The following MYLK4 variants were observed in gnomAD, a reference collection of about 807,000 sequenced individuals.
MYLK4 encodes the protein caMLCK like.
In MYLK4, 46 loss-of-function variants were observed where a neutral mutation model predicts 48.1. The observed-to-expected ratio is 0.96, with a 90% CI of 0.75 to 1.22. The LOEUF (loss-of-function observed/expected upper bound fraction) is 1.22. MYLK4 is among the 50% of genes most tolerant of loss of function. The pLI, the probability that MYLK4 is intolerant of heterozygous loss-of-function variation, is 0.00. For missense variants in MYLK4, 451 were observed against 486.1 expected, an observed-to-expected ratio of 0.93 and a Z score of 0.68; for synonymous variants, 170 against 180.8, an observed-to-expected ratio of 0.94 and a Z score of 0.48.
At chr6:2,737,977 C>CGGGCG (rs1158504264) in intron 2 of MYLK4, among the ~76,000 whole-genome samples, 8 of 2,532 alleles carry the variant, frequency 3.2e-3, no homozygotes, top group Non-Finnish European at 6.0e-3. Context: ...GTGCCGGGGG[C>CGGGCG]GGGTGGGGGG....
intron 10 of MYLK4, among the ~76,000 whole-genome samples, chr6:2,677,786 G>C (rs939343829): frequency 6.6e-6 from 1 of 152,154 alleles, no homozygotes; most frequent in Non-Finnish European, 1.5e-5. Context: ...TTGGGGTCAG[G>C]GGTGGTAGTT....
the MYLK4 span, among the ~76,000 whole-genome samples, chr6:2,762,933 T>G: frequency 6.6e-6 from 1 of 152,116 alleles, no homozygotes; most frequent in South Asian, 2.1e-4. Flanking sequence ...TACCACTCAT[T>G]AAGACAATTC....
At chr6:2,760,175 T>C in the MYLK4 span, among the ~76,000 whole-genome samples, 1 of 152,176 alleles carries the variant, frequency 6.6e-6, no homozygotes, top group Admixed American at 6.5e-5. Flanking sequence ...AGCAATACAG[T>C]ATAATAACTA....
intron 2 of MYLK4, among the ~76,000 whole-genome samples, chr6:2,746,474 TGA>T (rs543748791): frequency 3.5e-4 from 54 of 152,312 alleles, no homozygotes; most frequent in African/African-American, 1.3e-3. Flanking sequence ...AAAAAGAATC[TGA>T]GTTTTATCAA....
the MYLK4 span, among the ~76,000 whole-genome samples, chr6:2,766,793 C>G: frequency 7.5e-6 from 1 of 133,556 alleles, no homozygotes; most frequent in Non-Finnish European, 1.6e-5. Context: ...TAACCGAATT[C>G]GCAAGGAATC....
At chr6:2,694,820 G>A (rs1477609367) in intron 2 of MYLK4, among the ~76,000 whole-genome samples, 1 of 151,988 alleles carries the variant, frequency 6.6e-6, no homozygotes, top group Non-Finnish European at 1.5e-5. Flanking sequence ...AGGTTATAAA[G>A]TTTAGAAATG....
intron 12 of MYLK4, among the ~76,000 whole-genome samples, chr6:2,668,412 A>G (rs866591967): frequency 3.3e-5 from 5 of 152,170 alleles, no homozygotes; most frequent in African/African-American, 9.7e-5. Context: ...TTTATATCCC[A>G]TAAGTTGGCA....
the MYLK4 span, among the ~76,000 whole-genome samples, chr6:2,763,458 C>CT: frequency 6.6e-6 from 1 of 152,230 alleles, no homozygotes; most frequent in East Asian, 1.9e-4. Context: ...CATGGCAGGC[C>CT]TGAGCCTTGC....
chr6:2,734,307 G>A (rs1763581378), intron 2 of MYLK4, among the ~76,000 whole-genome samples: 1 of 152,168 alleles, frequency 6.6e-6, no homozygotes, highest in South Asian at 2.1e-4. Flanking sequence ...GCTGCGGTCT[G>A]TCAGCGTCTG....
At chr6:2,750,665 TG>T (rs1764262070) in intron 1 of MYLK4, 70 bp downstream of exon 1, 1 of 152,214 alleles carries the variant, frequency 6.6e-6, no homozygotes, top group Admixed American at 6.5e-5. Flanking sequence ...TGGTACAATT[TG>T]TTATTGAAGG....
intron 7 of MYLK4, 92 bp from the exon 8 acceptor site, chr6:2,680,383 GA>G: frequency 6.3e-7 from 1 of 1,591,594 alleles, no homozygotes; most frequent in Non-Finnish European, 8.5e-7. Flanking sequence ...ACGATGCTCA[GA>G]AAAAACATAT....
intron 2 of MYLK4, among the ~76,000 whole-genome samples, chr6:2,745,935 A>C (rs2113373971): frequency 6.6e-6 from 1 of 151,366 alleles, no homozygotes; most frequent in South Asian, 2.1e-4. Flanking sequence ...AAAAAAAAAA[A>C]AAGAAACAAA....
At position 2,685,536 on chromosome 6, in the gene MYLK4, TG is replaced by T. The variant is rs1389594261; in HGVS notation, c.381del (p.Thr128GlnfsTer3). 6.2e-7 allele frequency: 1 copy of T among 1,614,156 alleles called. No individual in the cohort carries two copies. The highest frequency in any genetic ancestry group is 1.1e-5 in the South Asian group (1 of 91,084). ...FGQVHKCEET[A>X]TGLKLAAKII... The stretch of plus-strand genomic sequence containing the variant: ...ATTTTGGCTGCCAGCTTCAGACCTG[TG>T]GCCGTCTCCTCACACTTGTGAACCT... On this transcript the variant is annotated frameshift_variant, in exon 5 of 13. Coordinates refer to ENST00000274643, the MANE Select transcript of MYLK4 (RefSeq NM_001012418.5). LOFTEE classifies it high-confidence loss of function. This position sits in a 1 kb window ranked among gnomAD's most constrained non-coding sequence, Gnocchi z 4.5.
Position 2,727,739 on chromosome 6 carries a change from G to A in MYLK4, c.159+21397C>T, listed in dbSNP as rs566207374. 2.0e-5 allele frequency among the ~76,000 whole-genome samples: 3 copies of A among 152,202 alleles called. No homozygotes were observed. The East Asian group carries it at 5.8e-4, about 29-fold the overall frequency. On this transcript the variant is annotated intron_variant, in intron 2 of 12. Coordinates refer to ENST00000274643, the MANE Select transcript of MYLK4 (RefSeq NM_001012418.5). Reference sequence around the variant, plus strand: ...CGAGGTGGGCGGATCACGAGGTCAAGAGATAGAGACCATCCTGGCCAATGT... The same window carrying A: ...CGAGGTGGGCGGATCACGAGGTCAAAAGATAGAGACCATCCTGGCCAATGT...
Position 2,665,724 on chromosome 6 carries a change from G to A in MYLK4, c.*2201C>T, listed in dbSNP as rs571072433. On this transcript the variant is annotated 3_prime_UTR_variant, in exon 13 of 13. Coordinates refer to ENST00000274643, the MANE Select transcript of MYLK4 (RefSeq NM_001012418.5). ...ATTTGGTAGAGAATGCACACCACAG[G>A]ACAGAAAACGCCCTGCCACGAGGGG... The A allele has an allele frequency of 6.6e-6, 1 of 152,296 alleles. No individual in the cohort carries two copies. The highest frequency in any genetic ancestry group is 1.5e-5 in the Non-Finnish European group (1 of 68,030). The allele number at this position is 152,296 out of a possible 1,614,324, so 9.4% of individuals were successfully genotyped here.
chr6:2,741,969 C>A (rs895993541), intron 2 of MYLK4, among the ~76,000 whole-genome samples: 3 of 151,984 alleles, frequency 2.0e-5, no homozygotes, highest in Non-Finnish European at 2.9e-5. Flanking sequence ...ACAGGAGATA[C>A]GATAAACAGC....
chr6:2,762,902 A>G, the MYLK4 span, among the ~76,000 whole-genome samples: 5 of 152,290 alleles, frequency 3.3e-5, no homozygotes, highest in East Asian at 9.7e-4. Context: ...AAATAAAGCT[A>G]CAAGTCTCCA....
chr6:2,693,131 T>C (rs1011811221), intron 2 of MYLK4, among the ~76,000 whole-genome samples: 1 of 151,908 alleles, frequency 6.6e-6, no homozygotes, highest in Non-Finnish European at 1.5e-5. Flanking sequence ...GATTCAAACA[T>C]AGAAAAAAGC....
rs1384653516 is a variant in MYLK4 at position 2,685,540 on chromosome 6, C to G, written c.378G>C (p.Thr126=). 3 of 1,614,008 alleles carry G rather than the reference C, an allele frequency of 1.9e-6. No individual in the cohort carries two copies. ...TGGCTGCCAGCTTCAGACCTGTGGC[C>G]GTCTCCTCACACTTGTGAACCTGGC... ...RFGQVHKCEE[T]ATGLKLAAKI... Residue 126 remains threonine, a synonymous_variant, in exon 5 of 13, where the codon ACG becomes ACC. Coordinates refer to ENST00000274643, the MANE Select transcript of MYLK4 (RefSeq NM_001012418.5). This position sits in a 1 kb window ranked among gnomAD's most constrained non-coding sequence, Gnocchi z 4.5.
Sources: allele counts gnomAD v4.1 joint callset (sites outside exome capture counted in the v4.1 genomes callset), GRCh38; gene constraint gnomAD v4.1.1; non-coding constraint Gnocchi (gnomAD v3.1); transcripts MANE v1.5; gene names NCBI Gene and HGNC (gene_info 2026-07-23, HGNC 2026-07-21).